Variants in CTTNBP2 observed in about 807,000 individuals in gnomAD.
The protein encoded by CTTNBP2 is cortactin-binding protein 2.
In CTTNBP2, 108 loss-of-function variants were observed where a neutral mutation model predicts 156.9. The observed-to-expected ratio is 0.69, with a 90% CI of 0.59 to 0.81. The LOEUF is 0.81. CTTNBP2 is among the 30% of genes least tolerant of loss of function. The pLI, the probability that CTTNBP2 is intolerant of heterozygous loss-of-function variation, is 0.00. For missense variants in CTTNBP2, 1,924 were observed against 2,035.4 expected (o/e 0.95, Z 1.05); for synonymous variants, 767 against 751.8 (o/e 1.02, Z -0.33).
At chr7:117,860,486 G>A (rs1409815028) in intron 2 of CTTNBP2, among the ~76,000 whole-genome samples, 1 of 151,942 alleles carries the variant, frequency 6.6e-6, no homozygotes, top group Non-Finnish European at 1.5e-5. Flanking sequence ...GGGACTACAC[G>A]CGCCCGCCAC....
At position 117,792,253 on chromosome 7, in the gene CTTNBP2, T is replaced by C. The variant is rs749284265; in HGVS notation, c.943A>G (p.Asn315Asp). 1.2e-6 allele frequency: 2 copies of C among 1,614,208 alleles called. No homozygotes were observed. Among genetic ancestry groups the C allele is most frequent in the Admixed American group, 1.7e-5 (1 of 60,022 alleles). ...GGCAACTTTTTCATGTGGTCAGCAT[T>C]TTCTGTCACTAGGTCTGTCTGGCAT... ...VACQTDLVTE[N>D]ADHMKKLPLT... Residue 315 changes from asparagine to aspartate, a missense_variant, in exon 4 of 23, where the codon AAT becomes GAT. Coordinates refer to ENST00000160373, the MANE Select transcript of CTTNBP2 (RefSeq NM_033427.3). The surrounding 1 kb of genome is among the most constrained non-coding windows in gnomAD (Gnocchi z 4.2).
chr7:117,772,653 C>T (rs1797858672), intron 8 of CTTNBP2, among the ~76,000 whole-genome samples: 1 of 152,068 alleles, frequency 6.6e-6, no homozygotes, highest in African/African-American at 2.4e-5. Flanking sequence ...AGTTTGTTCC[C>T]CTGGTTACCA....
intron 4 of CTTNBP2, among the ~76,000 whole-genome samples, chr7:117,788,854 A>C (rs1479082093): frequency 6.6e-6 from 1 of 152,198 alleles, no homozygotes. Flanking sequence ...ATGACATAGA[A>C]ACTGGTTATT....
At chr7:117,726,431 G>A (rs910503977) in intron 17 of CTTNBP2, among the ~76,000 whole-genome samples, 9 of 152,058 alleles carry the variant, frequency 5.9e-5, no homozygotes, top group East Asian at 1.9e-4. Context: ...AGCATGAATC[G>A]AAATTATGCA....
intron 11 of CTTNBP2, among the ~76,000 whole-genome samples, chr7:117,756,904 A>C (rs1183595487): frequency 1.3e-5 from 2 of 152,164 alleles, no homozygotes; most frequent in African/African-American, 4.8e-5. Context: ...ACCTCCCAGC[A>C]ACCATAGACA....
intron 2 of CTTNBP2, among the ~76,000 whole-genome samples, chr7:117,837,187 G>A (rs1170152443): frequency 6.6e-6 from 1 of 152,166 alleles, no homozygotes; most frequent in Non-Finnish European, 1.5e-5. Context: ...AGTTACATGA[G>A]CCAATATATC....
chr7:117,735,039 G>C lies in CTTNBP2; in HGVS notation c.3750C>G (p.Ala1250=), dbSNP rs2116488017. ...HENCFLMGTI[A]KACLQGSDLL... is the part of the protein sequence containing the mutation. ...AGTCGGAGCCCTGGAGACAGGCCTT[G>C]GCGATGGTTCCCATCAGAAAGCAGT... The change falls in exon 16 of 23, where the codon GCC becomes GCG. Residue 1250 remains alanine, a synonymous_variant. Coordinates refer to ENST00000160373, the MANE Select transcript of CTTNBP2 (RefSeq NM_033427.3). 1 of 1,614,214 alleles carries C rather than the reference G, an allele frequency of 6.2e-7. No individual in the cohort carries two copies. Among genetic ancestry groups the C allele is most frequent in the Non-Finnish European group, 8.5e-7 (1 of 1,180,030 alleles).
At chr7:117,814,170 A>G (rs1198959753) in intron 2 of CTTNBP2, among the ~76,000 whole-genome samples, 1 of 152,196 alleles carries the variant, frequency 6.6e-6, no homozygotes, top group East Asian at 1.9e-4. Flanking sequence ...TTTGTATAAT[A>G]TGAGAGGTAA....
rs756503736 is a variant in CTTNBP2, at chr7:117,734,967, G to A, written c.3822C>T (p.Gly1274=). The change falls in exon 16 of 23, where the codon GGC becomes GGT. Residue 1274 remains glycine (G), a synonymous_variant. Transcript: ENST00000160373. The part of the protein sequence containing the change: ...HFRWVQLRWD[G]EPMQGLLQRF... ...TCTGCAGCAGTCCTTGCATGGGCTC[G>A]CCATCCCACCGCAGCTGCACCCAGC... The A allele has an allele frequency of 1.5e-5, 24 of 1,613,150 alleles. No homozygotes were observed. The highest frequency in any genetic ancestry group is 9.9e-5 in the South Asian group (9 of 91,042).
At chr7:117,838,219 C>T (rs1052381882) in intron 2 of CTTNBP2, among the ~76,000 whole-genome samples, 2 of 152,202 alleles carry the variant, frequency 1.3e-5, no homozygotes, top group Admixed American at 6.5e-5. Flanking sequence ...CAGAGCCCAT[C>T]TTTGGTGTTA....
At chr7:117,861,406 C>T in intron 1 of CTTNBP2, 90 bp from the exon 2 acceptor site, 1 of 895,596 alleles carries the variant, frequency 1.1e-6, no homozygotes, top group Non-Finnish European at 1.8e-6. Flanking sequence ...CAGTTTTATC[C>T]CAGTGGCTCG....
chr7:117,873,139 G>T (rs573812350), intron 1 of CTTNBP2, among the ~76,000 whole-genome samples, 196 bp downstream of exon 1: 1 of 152,188 alleles, frequency 6.6e-6, no homozygotes, highest in Non-Finnish European at 1.5e-5. Flanking sequence ...CCCCAGCCAG[G>T]GTGGCCGCTC....
Position 117,711,483 on chromosome 7 carries a change from C to T in CTTNBP2, c.*54G>A. 1 of 1,544,046 alleles carries T rather than the reference C, an allele frequency of 6.5e-7. No homozygotes were observed. Among genetic ancestry groups the T allele is most frequent in the Non-Finnish European group, 8.7e-7 (1 of 1,144,974 alleles). ...TTAAAGGTATTTGTATCTTGTTGTC[C>T]TTGGTTTCTGTGTGAAATAGAGGAA... On this transcript the variant is annotated 3_prime_UTR_variant, in exon 23 of 23. Transcript: ENST00000160373.
intron 2 of CTTNBP2, among the ~76,000 whole-genome samples, chr7:117,856,495 C>T (rs1188556866): frequency 6.6e-6 from 1 of 152,190 alleles, no homozygotes; most frequent in African/African-American, 2.4e-5. Context: ...GCCACTTGTA[C>T]AAGGCAATTC....
intron 2 of CTTNBP2, among the ~76,000 whole-genome samples, chr7:117,847,819 C>CTT (rs201419286): frequency 0.017 from 1,535 of 91,168 alleles, 278 homozygotes; most frequent in African/African-American, 0.022. Flanking sequence ...TTTGCCTAAC[C>CTT]TTTTTTTTTT....
chr7:117,766,956 G>T, intron 9 of CTTNBP2, 103 bp downstream of exon 9: 3 of 731,038 alleles, frequency 4.1e-6, no homozygotes, highest in East Asian at 2.5e-5. Context: ...GCTCCAAAAA[G>T]GTTAAAAAGG....
chr7:117,831,493 C>A (rs1801608336), intron 2 of CTTNBP2, among the ~76,000 whole-genome samples: 1 of 152,036 alleles, frequency 6.6e-6, no homozygotes, highest in South Asian at 2.1e-4. Context: ...AGAGGGTAGG[C>A]TCCTTCTTGC....
At position 117,735,333 on chromosome 7, in the gene CTTNBP2, T is replaced by A. The variant is rs1795628938; in HGVS notation, c.3624A>T (p.Leu1208Phe). The A allele has an allele frequency of 1.9e-6, 3 of 1,613,880 alleles. No individual in the cohort carries two copies. The highest frequency in any genetic ancestry group is 1.1e-5 in the South Asian group (1 of 91,052). The change falls in exon 15 of 23, where the codon TTA (leucine) becomes TTT (phenylalanine). Residue 1208 changes from leucine (L) to phenylalanine (F), a missense_variant. Coordinates refer to ENST00000160373, the MANE Select transcript of CTTNBP2 (RefSeq NM_033427.3). ...ENLEKSSLSE[L>F]LRDFLAPLEN... ...CAAGAGGTGCCAAAAAGTCCCTCAA[T>A]AACTCCGACAGTGAAGATTTTTCTA...
intron 6 of CTTNBP2, among the ~76,000 whole-genome samples, chr7:117,780,909 G>A (rs1798399034): frequency 6.6e-6 from 1 of 152,078 alleles, no homozygotes; most frequent in South Asian, 2.1e-4. Flanking sequence ...TGGGATGAAC[G>A]GTTTAACTGT....
Sources: allele counts gnomAD v4.1 joint callset (sites outside exome capture counted in the v4.1 genomes callset), GRCh38; gene constraint gnomAD v4.1.1; non-coding constraint Gnocchi (gnomAD v3.1); transcripts MANE v1.5; gene names NCBI Gene and HGNC (gene_info 2026-07-23, HGNC 2026-07-21).